Variants in BMP7 observed in about 807,000 individuals in gnomAD.
BMP7 encodes osteogenic protein 1.
Under a neutral mutation model 41.2 loss-of-function variants are expected in BMP7, and 12 were observed. The observed-to-expected ratio is 0.29, with a 90% CI of 0.19 to 0.47. The LOEUF (loss-of-function observed/expected upper bound fraction) is 0.47. BMP7 is among the 20% of genes least tolerant of loss of function. The pLI is 0.99. For missense variants in BMP7, 467 were observed against 606.0 expected (o/e 0.77, Z 2.41); for synonymous variants, 248 against 250.0 (o/e 0.99, Z 0.07).
At chr20:57,204,707 C>T (rs1327777815) in intron 2 of BMP7, among the ~76,000 whole-genome samples, 1 of 152,240 alleles carries the variant, frequency 6.6e-6, no homozygotes, top group African/African-American at 2.4e-5. Flanking sequence ...GGGCACCCCA[C>T]AGCAATGGAC....
intron 2 of BMP7, among the ~76,000 whole-genome samples, chr20:57,218,377 T>C (rs1985083242): frequency 6.6e-6 from 1 of 152,076 alleles, no homozygotes; most frequent in Non-Finnish European, 1.5e-5. Context: ...GACAGATGTG[T>C]GTGAGGAGCT....
intron 2 of BMP7, among the ~76,000 whole-genome samples, chr20:57,210,250 G>A (rs2123098517): frequency 6.6e-6 from 1 of 152,336 alleles, no homozygotes; most frequent in South Asian, 2.1e-4. Flanking sequence ...GTGCTGCTGG[G>A]CTTTCAGGTG....
At chr20:57,240,916 G>A (rs2066066357) in intron 1 of BMP7, among the ~76,000 whole-genome samples, 1 of 152,208 alleles carries the variant, frequency 6.6e-6, no homozygotes, top group Non-Finnish European at 1.5e-5. Flanking sequence ...TAGGGACACA[G>A]CCAAACCATA....
At chr20:57,249,923 C>G (rs1369334167) in intron 1 of BMP7, among the ~76,000 whole-genome samples, 1 of 152,108 alleles carries the variant, frequency 6.6e-6, no homozygotes, top group Non-Finnish European at 1.5e-5. Context: ...AGCCACCCAC[C>G]AGAGAGGGAA....
intron 4 of BMP7, among the ~76,000 whole-genome samples, chr20:57,182,578 G>A (rs1440731850): frequency 6.6e-6 from 1 of 152,212 alleles, no homozygotes; most frequent in Non-Finnish European, 1.5e-5. Flanking sequence ...GAGGGCCTGG[G>A]GCAAGGGACA....
intron 1 of BMP7, among the ~76,000 whole-genome samples, chr20:57,255,236 A>G (rs1185915322): frequency 1.3e-5 from 2 of 152,194 alleles, no homozygotes; most frequent in Non-Finnish European, 2.9e-5. Flanking sequence ...GGACAGACAC[A>G]TCTGCCCCAC....
At chr20:57,205,431 G>C (rs1227649665) in intron 2 of BMP7, among the ~76,000 whole-genome samples, 1 of 152,182 alleles carries the variant, frequency 6.6e-6, no homozygotes, top group Non-Finnish European at 1.5e-5. Context: ...TCTCCAGTTT[G>C]CCTGGATGAC....
chr20:57,251,577 GA>G (rs2066113823), intron 1 of BMP7, among the ~76,000 whole-genome samples: 2 of 152,142 alleles, frequency 1.3e-5, no homozygotes, highest in Admixed American at 6.5e-5. Context: ...AGTGAACATG[GA>G]GGGGGGGCAG....
At chr20:57,206,096 C>T (rs1301861559) in intron 2 of BMP7, among the ~76,000 whole-genome samples, 1 of 152,160 alleles carries the variant, frequency 6.6e-6, no homozygotes, top group Non-Finnish European at 1.5e-5. Flanking sequence ...TAGCTGCCAC[C>T]TTGAGCATCG....
At chr20:57,223,229 CA>C (rs35071781) in intron 2 of BMP7, among the ~76,000 whole-genome samples, 8,958 of 62,298 alleles carry the variant, frequency 0.14, 373 homozygotes, top group Non-Finnish European at 0.18. Flanking sequence ...GACTCCATCT[CA>C]AAAAAAAAAA....
intron 3 of BMP7, among the ~76,000 whole-genome samples, chr20:57,196,858 T>C (rs1166028298): frequency 5.3e-5 from 8 of 152,188 alleles, no homozygotes; most frequent in African/African-American, 9.7e-5. Context: ...CCCAGAATTA[T>C]AATATTCATC....
At chr20:57,189,066 G>A (rs1036413084) in intron 3 of BMP7, among the ~76,000 whole-genome samples, 1 of 152,164 alleles carries the variant, frequency 6.6e-6, no homozygotes, top group Non-Finnish European at 1.5e-5. Flanking sequence ...GAGCTTGGAG[G>A]TCAGCACCCC....
intron 2 of BMP7, among the ~76,000 whole-genome samples, chr20:57,210,666 C>T (rs6123678): frequency 0.41 from 61,861 of 152,152 alleles, 14,499 homozygotes; most frequent in South Asian, 0.56. Flanking sequence ...CCCAGGCACG[C>T]GTTGGAGCCA....
intron 2 of BMP7, among the ~76,000 whole-genome samples, chr20:57,223,659 T>A (rs534059516): frequency 6.6e-6 from 1 of 152,194 alleles, no homozygotes; most frequent in Non-Finnish European, 1.5e-5. Context: ...GGATGATACA[T>A]CTTCATAGGA....
At chr20:57,209,736 G>T (rs1984836062) in intron 2 of BMP7, among the ~76,000 whole-genome samples, 2 of 152,176 alleles carry the variant, frequency 1.3e-5, no homozygotes, top group South Asian at 2.1e-4. Flanking sequence ...ACACACAGCT[G>T]CATGAAACAT....
At chr20:57,183,631 G>A (rs1984139178) in intron 4 of BMP7, 91 bp downstream of exon 4, 2 of 1,541,944 alleles carry the variant, frequency 1.3e-6, no homozygotes, top group Non-Finnish European at 1.8e-6. Context: ...GTGAGCACCT[G>A]AATGGATTTT....
rs1286798797 is a variant in BMP7 at position 57,261,196 on chromosome 20, G to T, written c.418+4509C>A. The stretch of plus-strand genomic sequence containing the variant: ...ACCAGCTGTGTTTATCTCGGCAAAG[G>T]CTTGAGAGCCTACTACGCCATGGTA... On this transcript the variant is annotated intron_variant, in intron 1 of 6. Transcript: ENST00000395863. This position sits in a 1 kb window ranked among gnomAD's most constrained non-coding sequence, Gnocchi z 4.1. Among the ~76,000 whole-genome samples, 1 of 152,160 alleles carries T rather than the reference G, an allele frequency of 6.6e-6. No homozygotes were observed. The highest frequency in any genetic ancestry group is 1.5e-5 in the Non-Finnish European group (1 of 68,032).
chr20:57,249,038 T>C (rs1303864295), intron 1 of BMP7, among the ~76,000 whole-genome samples: 1 of 152,022 alleles, frequency 6.6e-6, no homozygotes, highest in Non-Finnish European at 1.5e-5. Context: ...CCTGATGTCA[T>C]GATCTGCCCG....
chr20:57,198,822 C>A (rs7267460), intron 3 of BMP7, among the ~76,000 whole-genome samples: 1 of 152,120 alleles, frequency 6.6e-6, no homozygotes, highest in South Asian at 2.1e-4. Context: ...GCGATGGCTG[C>A]GCCCCGCTAG....
Sources: allele counts gnomAD v4.1 joint callset (sites outside exome capture counted in the v4.1 genomes callset), GRCh38; gene constraint gnomAD v4.1.1; non-coding constraint Gnocchi (gnomAD v3.1); transcripts MANE v1.5; gene names NCBI Gene and HGNC (gene_info 2026-07-23, HGNC 2026-07-21).